The following CD226 variants were observed in gnomAD, a reference collection of about 807,000 sequenced individuals.
CD226 encodes CD226 molecule.
A neutral mutation model predicts 34.9 loss-of-function variants in CD226; 24 were observed. That is an observed-to-expected ratio of 0.69 (90% CI 0.50 to 0.97). The LOEUF is 0.97. Ranked by LOEUF, CD226 falls within the 50% of genes least tolerant of loss-of-function variation. CD226 has a pLI of 0.00. For synonymous variants in CD226, 148 were observed against 147.4 expected (o/e 1.00, Z -0.03); for missense variants, 397 against 412.7 (o/e 0.96, Z 0.33).
At chr18:69,916,184 G>A (rs2145298032) in intron 2 of CD226, among the ~76,000 whole-genome samples, 1 of 152,264 alleles carries the variant, frequency 6.6e-6, no homozygotes, top group South Asian at 2.1e-4. Context: ...ATACTGATTT[G>A]TGATTTATTT....
At chr18:69,890,924 A>T (rs935772374) in intron 3 of CD226, among the ~76,000 whole-genome samples, 1 of 151,536 alleles carries the variant, frequency 6.6e-6, no homozygotes, top group South Asian at 2.1e-4. Context: ...GTAATCAATA[A>T]ATGATTTAAT....
At chr18:69,932,883 C>T (rs1482995374) in intron 2 of CD226, among the ~76,000 whole-genome samples, 1 of 152,194 alleles carries the variant, frequency 6.6e-6, no homozygotes, top group East Asian at 1.9e-4. Context: ...GAGCCTTGAG[C>T]TTGAGATGAG....
chr18:69,868,803 G>GCACACACACACA (rs56351883), intron 4 of CD226, among the ~76,000 whole-genome samples: 13 of 150,904 alleles, frequency 8.6e-5, no homozygotes, highest in Non-Finnish European at 1.6e-4. Context: ...GCGCGTGCAC[G>GCACACACACACA]CACACACACA....
At chr18:69,898,664 A>C (rs1985438675) in intron 2 of CD226, among the ~76,000 whole-genome samples, 1 of 152,184 alleles carries the variant, frequency 6.6e-6, no homozygotes, top group African/African-American at 2.4e-5. Context: ...GTAGCCCCTG[A>C]TTAACCTTTC....
chr18:69,896,889 A>G (rs1985333669), intron 2 of CD226, among the ~76,000 whole-genome samples: 1 of 152,200 alleles, frequency 6.6e-6, no homozygotes, highest in Non-Finnish European at 1.5e-5. Flanking sequence ...TGTGGTATCA[A>G]TTCTTGATAC....
intron 3 of CD226, among the ~76,000 whole-genome samples, chr18:69,880,342 A>AAAAGAAAGAG (rs1984156208): frequency 5.7e-5 from 4 of 70,054 alleles, no homozygotes; most frequent in Non-Finnish European, 1.8e-4. Context: ...GAAAGAAAGA[A>AAAAGAAAGAG]AGAAAGAAAG....
chr18:69,919,250 C>T (rs2055422417), intron 2 of CD226, among the ~76,000 whole-genome samples: 1 of 152,218 alleles, frequency 6.6e-6, no homozygotes, highest in Admixed American at 6.5e-5. Context: ...TGTGGCCTCT[C>T]TGTTTCCATA....
intron 3 of CD226, among the ~76,000 whole-genome samples, chr18:69,881,890 A>G (rs2145210695): frequency 6.6e-6 from 1 of 152,292 alleles, no homozygotes; most frequent in East Asian, 1.9e-4. Context: ...TTGGTATGGT[A>G]ATATTATTCC....
intron 3 of CD226, among the ~76,000 whole-genome samples, chr18:69,878,484 C>A (rs950581365): frequency 6.6e-6 from 1 of 151,390 alleles, no homozygotes; most frequent in East Asian, 1.9e-4. Context: ...CCTCAGAGTT[C>A]GGCAGGCAAG....
rs1186305698 is a variant in CD226 at position 69,856,631 on chromosome 18, T to C, written c.*7683A>G. 6.6e-6 allele frequency: 1 copy of C among 152,112 alleles called. No individual in the cohort carries two copies. Among genetic ancestry groups the C allele is most frequent in the Non-Finnish European group, 1.5e-5 (1 of 68,016 alleles). 9.4% of individuals were successfully genotyped at this position (152,112 alleles called of 1,614,324 possible). On this transcript the variant is annotated 3_prime_UTR_variant, in exon 6 of 6. Coordinates refer to ENST00000582621, the MANE Select transcript of CD226 (RefSeq NM_001303618.2). ...GTTTTTAAAACATGATGAAATTAAG[T>C]TAGAAATCTGTAAGAGATATAAAGT...
At chr18:69,931,840 T>C (rs1348871022) in intron 2 of CD226, among the ~76,000 whole-genome samples, 4 of 152,216 alleles carry the variant, frequency 2.6e-5, no homozygotes, top group Non-Finnish European at 4.4e-5. Context: ...TCCCATCACC[T>C]CTGCATTAGT....
Position 69,860,389 on chromosome 18 carries a change from T to C in CD226, c.*3925A>G, listed in dbSNP as rs567413763. Reference sequence around the variant, plus strand: ...ATATAACTTATTCTAACAAGGATAATACGAAATAAACCAGAATTATCCCAG... The same window carrying C: ...ATATAACTTATTCTAACAAGGATAACACGAAATAAACCAGAATTATCCCAG... On this transcript the variant is annotated 3_prime_UTR_variant, in exon 6 of 6. Coordinates refer to ENST00000582621, the MANE Select transcript of CD226 (RefSeq NM_001303618.2). The C allele has an allele frequency of 4.6e-5, 7 of 152,302 alleles. No individual in the cohort carries two copies. The South Asian group carries it at 1.2e-3, about 27-fold the overall frequency. The allele number at this position is 152,302 out of a possible 1,614,324, so 9.4% of individuals were successfully genotyped here. A position where few individuals can be genotyped will look rare whatever the true frequency, so the allele number is the denominator to read the frequency against.
At chr18:69,960,702 G>A (rs140671447), upstream of CD226, among the ~76,000 whole-genome samples, 1,440 of 152,194 alleles carry the variant, frequency 9.5e-3, 8 homozygotes, top group Non-Finnish European at 0.017. Flanking sequence ...CGCCTGCCTC[G>A]GCCTCCCAAA....
chr18:69,860,002 G>A lies in CD226; in HGVS notation c.*4312C>T, dbSNP rs1365511713. ...CAGGAGAATCACTTGAATCCGGGAG[G>A]CAGAGGTTGTGGTGAGCCGAGATTG... On this transcript the variant is annotated 3_prime_UTR_variant, in exon 6 of 6. Coordinates refer to ENST00000582621, the MANE Select transcript of CD226 (RefSeq NM_001303618.2). 1.3e-5 allele frequency: 2 copies of A among 152,214 alleles called. No individual in the cohort carries two copies. The highest frequency in any genetic ancestry group is 2.9e-5 in the Non-Finnish European group (2 of 68,056). 9.4% of individuals were successfully genotyped at this position (152,214 alleles called of 1,614,324 possible). A position where few individuals can be genotyped will look rare whatever the true frequency, so the allele number is the denominator to read the frequency against.
intron 2 of CD226, among the ~76,000 whole-genome samples, chr18:69,898,732 G>A (rs10432241): frequency 0.66 from 99,614 of 152,014 alleles, 35,647 homozygotes; most frequent in Non-Finnish European, 0.8. Context: ...TTACGAGGTC[G>A]GCCAAACCTG....
Position 69,864,263 on chromosome 18 carries a change from A to T in CD226, c.*51T>A, listed in dbSNP as rs747285269. 2.5e-6 allele frequency: 4 copies of T among 1,592,012 alleles called. No individual in the cohort carries two copies. Among genetic ancestry groups the T allele is most frequent in the Non-Finnish European group, 3.4e-6 (4 of 1,162,744 alleles). On this transcript the variant is annotated 3_prime_UTR_variant, in exon 6 of 6. Transcript: ENST00000582621. ...GTGGAAAAAAATTGCATAAAGATCC[A>T]TGCATGAGTACATAAGAGTCATTAC... is the stretch of plus-strand genomic sequence containing the variant.
At chr18:69,960,576 A>G (rs539667791), upstream of CD226, among the ~76,000 whole-genome samples, 1 of 152,272 alleles carries the variant, frequency 6.6e-6, no homozygotes, top group African/African-American at 2.4e-5. Flanking sequence ...CAGCCTCCCA[A>G]GTAGCTGGGA....
chr18:69,934,818 T>C (rs1207832833), intron 2 of CD226, among the ~76,000 whole-genome samples: 1 of 152,198 alleles, frequency 6.6e-6, no homozygotes, highest in Non-Finnish European at 1.5e-5. Flanking sequence ...CAGGAGTAAG[T>C]AGAAGAGATG....
intron 2 of CD226, among the ~76,000 whole-genome samples, chr18:69,931,853 G>T (rs946816242): frequency 1.3e-5 from 2 of 152,098 alleles, no homozygotes; most frequent in Non-Finnish European, 2.9e-5. Context: ...GCATTAGTTT[G>T]CTAGGGCTGC....
Sources: allele counts gnomAD v4.1 joint callset (sites outside exome capture counted in the v4.1 genomes callset), GRCh38; gene constraint gnomAD v4.1.1; transcripts MANE v1.5; gene names NCBI Gene and HGNC (gene_info 2026-07-23, HGNC 2026-07-21).